The following TMED9 variants were observed in gnomAD, a reference collection of about 807,000 sequenced individuals.
TMED9 encodes transmembrane emp24 domain-containing protein 9.
A neutral mutation model predicts 30.6 loss-of-function variants in TMED9; 22 were observed. The ratio of observed to expected loss-of-function variants is 0.72; its 90% CI spans 0.51 to 1.03. TMED9 has a LOEUF of 1.03. Ranked by LOEUF, TMED9 falls within the 50% of genes least tolerant of loss-of-function variation. The pLI is 0.00. For synonymous variants in TMED9, 146 were observed against 122.8 expected (o/e 1.19, Z -1.25); for missense variants, 251 against 302.1 (o/e 0.83, Z 1.25).
chr5:177,593,519 G>T, intron 2 of TMED9, 131 bp from the exon 3 acceptor site: 1 of 1,165,166 alleles, frequency 8.6e-7, no homozygotes. Context: ...GAGCAGCTTT[G>T]AATCTTTCAG....
intron 2 of TMED9, 139 bp from the exon 3 acceptor site, chr5:177,593,511 G>A (rs1767629725): frequency 1.9e-6 from 2 of 1,075,360 alleles, no homozygotes; most frequent in Non-Finnish European, 2.7e-6. Flanking sequence ...CAGCTGCTGA[G>A]CAGCTTTGAA....
Position 177,592,323 on chromosome 5 carries a change from G to C in TMED9, c.109G>C (p.Ala37Pro). 18 of 1,606,214 alleles carry C rather than the reference G, an allele frequency of 1.1e-5. No individual in the cohort carries two copies. Among genetic ancestry groups the C allele is most frequent in the Non-Finnish European group, 1.5e-5 (18 of 1,176,584 alleles). The change falls in exon 1 of 5, where the codon GCG (alanine) becomes CCG (proline). Residue 37 changes from alanine (A) to proline (P), a missense_variant. Ala to Pro is a conservative substitution (Grantham distance 27). Transcript: ENST00000332598. ...LVLWLATRGS[A>P]LYFHIGETEK... is the part of the protein sequence containing the mutation. ...GCTGTGGCTGGCGACGCGCGGAAGCGCGCTCTACTTTCACATCGGAGAGAC... is the reference window on the plus strand; with the variant it reads ...GCTGTGGCTGGCGACGCGCGGAAGCCCGCTCTACTTTCACATCGGAGAGAC...
chr5:177,593,838 C>G, intron 3 of TMED9, 63 bp downstream of exon 3: 1 of 1,595,540 alleles, frequency 6.3e-7, no homozygotes, highest in Non-Finnish European at 8.6e-7. Flanking sequence ...GACTGGGGGA[C>G]TGGTGGTGCT....
Position 177,594,204 on chromosome 5 carries a change from C to T in TMED9, c.477C>T (p.Asp159=). The part of the protein sequence containing the change: ...ANDYAEIAAK[D]KLSELQLRVR... ...ACTATGCAGAAATTGCTGCTAAAGACAAGTTGAGTGAGTTGCAGCTACGAG... is the reference window on the plus strand; with the variant it reads ...ACTATGCAGAAATTGCTGCTAAAGATAAGTTGAGTGAGTTGCAGCTACGAG... The change falls in exon 4 of 5, where the codon GAC becomes GAT. Residue 159 remains aspartate, a synonymous_variant. Transcript: ENST00000332598. 6.2e-7 allele frequency: 1 copy of T among 1,614,210 alleles called. No homozygotes were observed.
intron 2 of TMED9, 129 bp from the exon 3 acceptor site, chr5:177,593,521 A>G (rs1038001016): frequency 2.5e-6 from 3 of 1,178,720 alleles, no homozygotes; most frequent in Non-Finnish European, 3.6e-6. Flanking sequence ...GCAGCTTTGA[A>G]TCTTTCAGTG....
In TMED9 at chr5:177,595,428, G is replaced by A. The variant is rs367659530; in HGVS notation, c.*12G>A. The A allele has an allele frequency of 6.7e-4, 1,077 of 1,596,828 alleles. 3 individuals carry two copies. Among genetic ancestry groups the A allele is most frequent in the Non-Finnish European group, 8.8e-4 (1,030 of 1,168,056 alleles). On this transcript the variant is annotated 3_prime_UTR_variant, in exon 5 of 5. Coordinates refer to ENST00000332598, the MANE Select transcript of TMED9 (RefSeq NM_017510.6). The stretch of plus-strand genomic sequence containing the variant: ...AGAAGCTTGTGTAGCTGTCCCAGGC[G>A]TCACAACCCATCCTCCCAGGCTGGG...
chr5:177,592,886 T>G (rs1758254226), intron 2 of TMED9, among the ~76,000 whole-genome samples: 1 of 152,216 alleles, frequency 6.6e-6, no homozygotes, highest in Admixed American at 6.5e-5. Context: ...TAAAGTCATC[T>G]AGACTTTAAG....
Position 177,592,212 on chromosome 5 carries a change from A to G in TMED9, c.-3A>G. ...CTGCGGCTGCGCAGGCAGGTGGAGCAAGATGGCTGTGGAGCTGGGCGTGCT... is the reference window on the plus strand; with the variant it reads ...CTGCGGCTGCGCAGGCAGGTGGAGCGAGATGGCTGTGGAGCTGGGCGTGCT... On this transcript the variant is annotated 5_prime_UTR_variant, in exon 1 of 5. Transcript: ENST00000332598. 1 of 1,597,048 alleles carries G rather than the reference A, an allele frequency of 6.3e-7. No individual in the cohort carries two copies. Among genetic ancestry groups the G allele is most frequent in the Non-Finnish European group, 8.5e-7 (1 of 1,173,522 alleles).
rs1767704882 is a variant in TMED9, at chr5:177,597,130, G to C, written c.*1714G>C. Among the ~76,000 whole-genome samples, 1 of 151,022 alleles carries C rather than the reference G, an allele frequency of 6.6e-6. No homozygotes were observed. Among genetic ancestry groups the C allele is most frequent in the South Asian group, 2.1e-4 (1 of 4,788 alleles). On this transcript the variant is annotated 3_prime_UTR_variant, in exon 5 of 5. Transcript: ENST00000332598. ...TCCACATGAAAAAAAAAAGTTTTTT[G>C]GCGGGCACGGTGGTTCACACCTGTA...
Position 177,592,692 on chromosome 5 carries a change from C to T in TMED9, c.285+17C>T, listed in dbSNP as rs539246431. ...GAGGACAAGGTGAGCCAACCGCCCC[C>T]CTCCTCTCCGCCAGCCTCTCAGCTA... On this transcript the variant is annotated intron_variant, in intron 2 of 4. Transcript: ENST00000332598. 7.7e-5 allele frequency: 119 copies of T among 1,555,188 alleles called. 2 individuals are homozygous for T. The South Asian group carries it at 1.1e-3, about 15-fold the overall frequency.
chr5:177,592,302 T>C lies in TMED9; in HGVS notation c.88T>C (p.Trp30Arg). The C allele has an allele frequency of 6.2e-7, 1 of 1,609,198 alleles. No individual in the cohort carries two copies. The highest frequency in any genetic ancestry group is 8.5e-7 in the Non-Finnish European group (1 of 1,177,944). Residue 30 changes from tryptophan (W) to arginine (R), a missense_variant, in exon 1 of 5, where the codon TGG becomes CGG. Trp to Arg is a moderately radical substitution (Grantham distance 101). Around this residue, in one of 2 missense-constraint regions of TMED9, gnomAD observed 98 missense variants for 62.5 expected, o/e 1.57. Transcript: ENST00000332598. ...GATGCGGACCCTCCTGCTGGTGCTG[T>C]GGCTGGCGACGCGCGGAAGCGCGCT... is the stretch of plus-strand genomic sequence containing the variant. ...RVMRTLLLVL[W>R]LATRGSALYF...
At chr5:177,594,418 G>GTAT in intron 4 of TMED9, 133 bp downstream of exon 4, 1 of 1,102,984 alleles carries the variant, frequency 9.1e-7, no homozygotes, top group Middle Eastern at 3.0e-4. Context: ...CGTGGGGCGG[G>GTAT]TATTACTAAC....
chr5:177,592,337 C>T lies in TMED9; in HGVS notation c.123C>T (p.His41=), dbSNP rs1472759013. ...LATRGSALYF[H]IGETEKKCFI... is the part of the protein sequence containing the mutation. ...CGCGCGGAAGCGCGCTCTACTTTCA[C>T]ATCGGAGAGACGGAGAAGAAGTGCT... is the stretch of plus-strand genomic sequence containing the variant. The change falls in exon 1 of 5, where the codon CAC becomes CAT. Residue 41 remains histidine, a synonymous_variant. Coordinates refer to ENST00000332598, the MANE Select transcript of TMED9 (RefSeq NM_017510.6). 2 of 1,606,174 alleles carry T rather than the reference C, an allele frequency of 1.2e-6. No individual in the cohort carries two copies. The highest frequency in any genetic ancestry group is 1.7e-6 in the Non-Finnish European group (2 of 1,176,570).
rs769005467 is a variant in TMED9 at position 177,594,300 on chromosome 5, C to T, written c.558+15C>T. On this transcript the variant is annotated intron_variant, in intron 4 of 4. Coordinates refer to ENST00000332598, the MANE Select transcript of TMED9 (RefSeq NM_017510.6). ...ACTACCAGCGGGTGAGTGACTGGGC[C>T]GGGAGCAGTGGGCTTCTCCCTAGAA... 8.1e-6 allele frequency: 13 copies of T among 1,613,140 alleles called. No individual in the cohort carries two copies. The highest frequency in any genetic ancestry group is 4.4e-5 in the South Asian group (4 of 90,948).
rs761761262 is a variant in TMED9, at chr5:177,592,305, C to T, written c.91C>T (p.Leu31=). Residue 31 remains leucine (L), a synonymous_variant, in exon 1 of 5, where the codon CTG becomes TTG. Transcript: ENST00000332598. ...VMRTLLLVLW[L]ATRGSALYFH... ...GCGGACCCTCCTGCTGGTGCTGTGG[C>T]TGGCGACGCGCGGAAGCGCGCTCTA... 6.8e-6 allele frequency: 11 copies of T among 1,608,718 alleles called. No individual in the cohort carries two copies. In the East Asian group the frequency reaches 1.1e-4, roughly 16 times the overall value.
Position 177,595,565 on chromosome 5 carries a change from A to T in TMED9, c.*149A>T. The T allele has an allele frequency of 5.2e-6, 5 of 966,756 alleles. No homozygotes were observed. Among genetic ancestry groups the T allele is most frequent in the Non-Finnish European group, 7.5e-6 (5 of 664,668 alleles). 59.9% of individuals were successfully genotyped at this position (966,756 alleles called of 1,614,324 possible). On this transcript the variant is annotated 3_prime_UTR_variant, in exon 5 of 5. Coordinates refer to ENST00000332598, the MANE Select transcript of TMED9 (RefSeq NM_017510.6). ...GCACCCACAGGCACAAGCTGAAGGCAGCAGCTTGGCTAATACTGAGCAGGT... is the reference window on the plus strand; with the variant it reads ...GCACCCACAGGCACAAGCTGAAGGCTGCAGCTTGGCTAATACTGAGCAGGT...
intron 4 of TMED9, 48 bp from the exon 5 acceptor site, chr5:177,595,219 G>A (rs751079009): frequency 6.7e-7 from 1 of 1,484,204 alleles, no homozygotes; most frequent in Non-Finnish European, 9.1e-7. Flanking sequence ...GGAATCAGCA[G>A]TTCTAGCAGC....
intron 4 of TMED9, among the ~76,000 whole-genome samples, chr5:177,594,940 G>A (rs1767661517): frequency 2.0e-5 from 3 of 152,174 alleles, no homozygotes; most frequent in Admixed American, 1.3e-4. Context: ...AGCAGTGTGG[G>A]AGACCTAGGC....
intron 2 of TMED9, among the ~76,000 whole-genome samples, chr5:177,592,919 C>T (rs1561809379): frequency 6.6e-6 from 1 of 152,096 alleles, no homozygotes; most frequent in Admixed American, 6.5e-5. Context: ...ATGATACTTT[C>T]CCCACAAAAT....
Sources: gnomAD v4.1 joint callset for allele counts (sites outside exome capture counted in the v4.1 genomes callset) on GRCh38, gnomAD v4.1.1 for gene constraint, gnomAD v4.1.1 regional missense constraint, MANE v1.5 for transcripts, NCBI Gene and HGNC (gene_info 2026-07-23, HGNC 2026-07-21) for gene names.